Variants in KL observed in about 807,000 individuals in gnomAD.
KL encodes alpha-klotho.
Under a neutral mutation model 84.2 loss-of-function variants are expected in KL, and 62 were observed. That is an observed-to-expected ratio of 0.74 (90% confidence interval 0.60 to 0.91). The LOEUF (loss-of-function observed/expected upper bound fraction) is 0.91, where lower values mean the gene tolerates loss of function less well. Ranked by LOEUF, KL falls within the 40% of genes least tolerant of loss-of-function variation. KL has a pLI of 0.00. For synonymous variants in KL, 528 were observed against 528.0 expected, an observed-to-expected ratio of 1.00 and a Z score of 0.00; for missense variants, 1,261 against 1,305.7, an observed-to-expected ratio of 0.97 and a Z score of 0.53.
rs758145645 is a variant in KL at position 33,061,771 on chromosome 13, G to C, written c.2692G>C (p.Ala898Pro). 6.2e-7 allele frequency: 1 copy of C among 1,613,386 alleles called. No individual in the cohort carries two copies. Among genetic ancestry groups the C allele is most frequent in the Non-Finnish European group, 8.5e-7 (1 of 1,180,002 alleles). Residue 898 changes from alanine to proline, a missense_variant, in exon 4 of 5, where the codon GCT (alanine) becomes CCT (proline). Transcript: ENST00000380099. ...VYYMQNYINE[A>P]LKAHILDGIN... ...TTATATGCAGAATTACATAAACGAAGCTCTCAAAGGTAAGGAGCCCTAGCT... is the reference window on the plus strand; with the variant it reads ...TTATATGCAGAATTACATAAACGAACCTCTCAAAGGTAAGGAGCCCTAGCT...
rs928329056 is a variant in KL at position 33,017,224 on chromosome 13, C to G, written c.784C>G (p.Arg262Gly). The G allele has an allele frequency of 6.3e-7, 1 of 1,590,024 alleles. No individual in the cohort carries two copies. Among genetic ancestry groups the G allele is most frequent in the Non-Finnish European group, 8.5e-7 (1 of 1,175,282 alleles). The change falls in exon 1 of 5, where the codon CGG (arginine) becomes GGG (glycine). Residue 262 changes from arginine to glycine, a missense_variant. Physicochemically the swap from Arg to Gly is moderately radical, Grantham distance 125. Coordinates refer to ENST00000380099, the MANE Select transcript of KL (RefSeq NM_004795.4). ...GGCCCCCGGCATCCGGGGCAGCCCG[C>G]GGCTCGGGTACCTGGTGGCGCACAA... ...RLAPGIRGSPRLGYLVAHNLL... is the reference protein window; with the variant it reads ...RLAPGIRGSPGLGYLVAHNLL...
chr13:33,055,782 C>A (rs1268046912), intron 3 of KL, among the ~76,000 whole-genome samples: 1 of 152,152 alleles, frequency 6.6e-6, no homozygotes, highest in Non-Finnish European at 1.5e-5. Flanking sequence ...AGAAAGTAAA[C>A]CCTAGATCCA....
At chr13:33,020,544 G>A (rs1463746861) in intron 1 of KL, among the ~76,000 whole-genome samples, 1 of 126,644 alleles carries the variant, frequency 7.9e-6, no homozygotes, top group Non-Finnish European at 1.8e-5. Context: ...ATGTCACATC[G>A]AACACATCCC....
intron 1 of KL, among the ~76,000 whole-genome samples, chr13:33,043,583 T>C (rs1345882281): frequency 6.6e-6 from 1 of 152,174 alleles, no homozygotes; most frequent in Admixed American, 6.5e-5. Flanking sequence ...GGTTTTAATT[T>C]GCATTTTCCT....
At chr13:33,052,471 A>G (rs763379454) in intron 1 of KL, among the ~76,000 whole-genome samples, 2 of 152,246 alleles carry the variant, frequency 1.3e-5, no homozygotes, top group Non-Finnish European at 2.9e-5. Context: ...CCTTCTTAGC[A>G]TATAGATAGC....
intron 1 of KL, among the ~76,000 whole-genome samples, chr13:33,025,360 G>A (rs893780873): frequency 1.3e-5 from 2 of 152,326 alleles, no homozygotes; most frequent in Non-Finnish European, 2.9e-5. Flanking sequence ...CAGCATGAAT[G>A]CAGCCATGGG....
rs1004560826 is a variant in KL, at chr13:33,064,479, C to T, written c.*293C>T. ...ATGAAAAATAGGAACCACACCAATG[C>T]AACATTTGTGCAGAAATTTGAATGA... On this transcript the variant is annotated 3_prime_UTR_variant, in exon 5 of 5. Coordinates refer to ENST00000380099, the MANE Select transcript of KL (RefSeq NM_004795.4). The T allele has an allele frequency of 9.6e-6, 3 of 312,500 alleles. No individual in the cohort carries two copies. The highest frequency in any genetic ancestry group is 6.3e-5 in the African/African-American group (3 of 47,290). The allele number at this position is 312,500 out of a possible 1,614,324, so 19.4% of individuals were successfully genotyped here.
intron 1 of KL, among the ~76,000 whole-genome samples, chr13:33,042,823 A>G (rs1211787920): frequency 1.3e-5 from 2 of 152,122 alleles, no homozygotes; most frequent in Non-Finnish European, 2.9e-5. Context: ...CTGGGATTAC[A>G]GGCATGTGCC....
chr13:33,024,828 G>C (rs1870706143), intron 1 of KL, among the ~76,000 whole-genome samples: 1 of 152,202 alleles, frequency 6.6e-6, no homozygotes, highest in Non-Finnish European at 1.5e-5. Context: ...CGGGGACAGT[G>C]GTAGGGGCGT....
intron 1 of KL, among the ~76,000 whole-genome samples, chr13:33,045,158 G>A (rs1044776442): frequency 5.9e-5 from 9 of 152,120 alleles, no homozygotes; most frequent in Non-Finnish European, 1.2e-4. Context: ...ACTGTTCATT[G>A]CTATTGTACA....
At chr13:33,060,111 G>A (rs1049314001) in intron 3 of KL, among the ~76,000 whole-genome samples, 6 of 152,078 alleles carry the variant, frequency 3.9e-5, no homozygotes, top group African/African-American at 9.6e-5. Flanking sequence ...CTACAGGCCC[G>A]TGCCACCATG....
At chr13:33,057,287 G>A (rs530150280) in intron 3 of KL, among the ~76,000 whole-genome samples, 3 of 152,138 alleles carry the variant, frequency 2.0e-5, no homozygotes, top group Non-Finnish European at 2.9e-5. Context: ...CAAGAGTGGG[G>A]GTGTCGGAGG....
intron 2 of KL, 132 bp downstream of exon 2, chr13:33,054,409 A>T (rs914803146): frequency 3.2e-6 from 3 of 937,960 alleles, no homozygotes; most frequent in Non-Finnish European, 4.9e-6. Flanking sequence ...GCAATAGTAG[A>T]ATGCATTCAT....
chr13:33,044,442 C>T (rs1019671329), intron 1 of KL, among the ~76,000 whole-genome samples: 1 of 152,068 alleles, frequency 6.6e-6, no homozygotes, highest in Non-Finnish European at 1.5e-5. Context: ...TCTTCCAATC[C>T]ATGAAAATGG....
At chr13:33,042,605 ACT>A in intron 1 of KL, among the ~76,000 whole-genome samples, 2 of 152,308 alleles carry the variant, frequency 1.3e-5, no homozygotes, top group African/African-American at 4.8e-5. Flanking sequence ...AACAAACCAC[ACT>A]GTTTATACAT....
chr13:33,032,431 G>A (rs763309264), intron 1 of KL, among the ~76,000 whole-genome samples: 1 of 152,188 alleles, frequency 6.6e-6, no homozygotes, highest in Non-Finnish European at 1.5e-5. Context: ...GCTCACACAT[G>A]TGATCCGCGG....
At chr13:33,026,018 C>T (rs996702659) in intron 1 of KL, among the ~76,000 whole-genome samples, 7 of 152,270 alleles carry the variant, frequency 4.6e-5, no homozygotes, top group East Asian at 1.9e-4. Flanking sequence ...AATGTTGGTA[C>T]GCTTATACAG....
At chr13:33,020,281 G>A (rs2138188388) in intron 1 of KL, among the ~76,000 whole-genome samples, 1 of 152,202 alleles carries the variant, frequency 6.6e-6, no homozygotes, top group East Asian at 1.9e-4. Context: ...CCTCAACTTG[G>A]ATTTCAGGCC....
At chr13:33,021,734 A>G (rs188850513) in intron 1 of KL, among the ~76,000 whole-genome samples, 206 of 152,122 alleles carry the variant, frequency 1.4e-3, no homozygotes, top group East Asian at 4.8e-3. Context: ...AATATGGAAA[A>G]TTCACCAGAC....
Sources: gnomAD v4.1 joint callset for allele counts (sites outside exome capture counted in the v4.1 genomes callset) on GRCh38, gnomAD v4.1.1 for gene constraint, MANE v1.5 for transcripts, NCBI Gene and HGNC (gene_info 2026-07-23, HGNC 2026-07-21) for gene names.